KIAA0825: variants seen among roughly 807,000 people sequenced by gnomAD.
KIAA0825 encodes the protein KIAA0825, also known as uncharacterized protein KIAA0825.
In KIAA0825, 119 loss-of-function variants were observed where a neutral mutation model predicts 147.6. The observed-to-expected ratio is 0.81, with a 90% CI of 0.69 to 0.94. The LOEUF is 0.94. Among genes scored for constraint, KIAA0825 ranks in the 40% least tolerant of loss-of-function variants. The probability of loss-of-function intolerance (pLI) is 0.00; values close to 1 mark genes in which losing one functional copy is unlikely to be tolerated. For missense variants in KIAA0825, 1,381 were observed against 1,472.7 expected, an observed-to-expected ratio of 0.94 and a Z score of 1.02; for synonymous variants, 470 against 518.1, an observed-to-expected ratio of 0.91 and a Z score of 1.26.
At chr5:94,298,785 T>C (rs1778254357) in intron 20 of KIAA0825, among the ~76,000 whole-genome samples, 1 of 152,210 alleles carries the variant, frequency 6.6e-6, no homozygotes, top group African/African-American at 2.4e-5. Context: ...TTCCAAAAAG[T>C]AGCAGCAGTG....
At chr5:94,200,388 C>G (rs930505469) in intron 20 of KIAA0825, among the ~76,000 whole-genome samples, 1 of 152,162 alleles carries the variant, frequency 6.6e-6, no homozygotes, top group Non-Finnish European at 1.5e-5. Flanking sequence ...CATCCTTCCT[C>G]TATCCACTCT....
chr5:94,451,489 C>A (rs927213005), intron 13 of KIAA0825, among the ~76,000 whole-genome samples: 1 of 152,154 alleles, frequency 6.6e-6, no homozygotes, highest in Admixed American at 6.5e-5. Context: ...CATAAAATTT[C>A]ATTTCCACTA....
At chr5:94,594,822 A>G (rs183810814) in intron 1 of KIAA0825, 5 of 452,304 alleles carry the variant, frequency 1.1e-5, no homozygotes, top group South Asian at 1.9e-5. Context: ...GAGTGTTATC[A>G]TGTGTCACAT....
At chr5:94,341,706 C>A (rs1354174470) in intron 20 of KIAA0825, among the ~76,000 whole-genome samples, 3 of 151,834 alleles carry the variant, frequency 2.0e-5, no homozygotes, top group Non-Finnish European at 4.4e-5. Flanking sequence ...ATGAAAAGTA[C>A]ATGGATTGCT....
At chr5:94,362,357 A>T (rs1473065086) in intron 20 of KIAA0825, among the ~76,000 whole-genome samples, 1 of 152,214 alleles carries the variant, frequency 6.6e-6, no homozygotes, top group Non-Finnish European at 1.5e-5. Context: ...GGTAACATTC[A>T]TTCACTGTGC....
At chr5:94,233,686 G>C (rs1220496125) in intron 20 of KIAA0825, among the ~76,000 whole-genome samples, 2 of 152,198 alleles carry the variant, frequency 1.3e-5, no homozygotes, top group Non-Finnish European at 2.9e-5. Flanking sequence ...GGAATATGAG[G>C]ATTTCAACAA....
intron 1 of KIAA0825, among the ~76,000 whole-genome samples, chr5:94,605,347 C>G (rs1045619905): frequency 6.6e-6 from 1 of 152,164 alleles, no homozygotes; most frequent in Non-Finnish European, 1.5e-5. Flanking sequence ...CAAACAAGAG[C>G]TGGTATCACT....
chr5:94,225,049 T>G (rs1261772078), intron 20 of KIAA0825, among the ~76,000 whole-genome samples: 4 of 152,202 alleles, frequency 2.6e-5, no homozygotes, highest in Non-Finnish European at 5.9e-5. Context: ...TGTGCCTAAA[T>G]TTGTCTTAAG....
At chr5:94,603,488 C>T (rs538739325) in intron 1 of KIAA0825, among the ~76,000 whole-genome samples, 1 of 152,274 alleles carries the variant, frequency 6.6e-6, no homozygotes, top group South Asian at 2.1e-4. Flanking sequence ...CGTACACAGA[C>T]CAATGACACT....
At chr5:94,547,463 C>T (rs989965829) in intron 2 of KIAA0825, among the ~76,000 whole-genome samples, 5 of 152,052 alleles carry the variant, frequency 3.3e-5, no homozygotes, top group Admixed American at 6.5e-5. Flanking sequence ...TCCTGCTGGG[C>T]GCAGTAGCTC....
chr5:94,485,202 A>T (rs570475184), intron 5 of KIAA0825, among the ~76,000 whole-genome samples: 1 of 151,726 alleles, frequency 6.6e-6, no homozygotes, highest in Admixed American at 6.6e-5. Context: ...TTTCTTGTAA[A>T]ATCACATCTT....
chr5:94,364,563 T>C lies in KIAA0825; in HGVS notation c.3710+19805A>G, dbSNP rs575982643. ...CGCCCGGCTAATTTTTTTGTATTTT[T>C]AGTAGAGACGGGGTTTCACTGTGTT... On this transcript the variant is annotated intron_variant, in intron 20 of 20. Coordinates refer to ENST00000682413, the MANE Select transcript of KIAA0825 (RefSeq NM_001145678.3). Among the ~76,000 whole-genome samples, 5 of 152,086 alleles carry C rather than the reference T, an allele frequency of 3.3e-5. 1 individual carries two copies. The highest frequency in any genetic ancestry group is 7.2e-5 in the African/African-American group (3 of 41,502).
intron 20 of KIAA0825, among the ~76,000 whole-genome samples, chr5:94,273,305 TTTA>T (rs1485869583): frequency 6.6e-6 from 1 of 152,208 alleles, no homozygotes; most frequent in Non-Finnish European, 1.5e-5. Flanking sequence ...CGGAGAGGCA[TTTA>T]TTAATATTAG....
At chr5:94,506,835 G>A (rs1765791303) in intron 5 of KIAA0825, among the ~76,000 whole-genome samples, 1 of 152,092 alleles carries the variant, frequency 6.6e-6, no homozygotes, top group Admixed American at 6.5e-5. Flanking sequence ...TTCTAAGCCT[G>A]AAAACACGCC....
At chr5:94,567,402 A>C (rs1356761458) in intron 2 of KIAA0825, 1 of 152,206 alleles carries the variant, frequency 6.6e-6, no homozygotes, top group East Asian at 1.9e-4. Context: ...ACTTAAGTTG[A>C]TTTACAAAGT....
Position 94,396,085 on chromosome 5 carries a change from A to G in KIAA0825, c.3296+16T>C, listed in dbSNP as rs1313402148. 7.0e-6 allele frequency: 10 copies of G among 1,419,142 alleles called. No individual in the cohort carries two copies. In the East Asian group the frequency reaches 2.6e-4, roughly 37 times the overall value. The allele number at this position is 1,419,142 out of a possible 1,614,324, so 87.9% of individuals were successfully genotyped here. ...AGCATTTGATGAAATCCAATAAGAG[A>G]AAAACATCACTTTACCATTCAGTGC... On this transcript the variant is annotated intron_variant, in intron 17 of 20. Coordinates refer to ENST00000682413, the MANE Select transcript of KIAA0825 (RefSeq NM_001145678.3).
chr5:94,382,537 G>A (rs547232998), intron 20 of KIAA0825, among the ~76,000 whole-genome samples: 3 of 152,212 alleles, frequency 2.0e-5, no homozygotes, highest in East Asian at 1.9e-4. Flanking sequence ...GCTCGTGTGC[G>A]GTAGCTTTGC....
chr5:94,155,988 C>T (rs1165397708), intron 20 of KIAA0825, among the ~76,000 whole-genome samples: 4 of 152,054 alleles, frequency 2.6e-5, no homozygotes, highest in Non-Finnish European at 5.9e-5. Flanking sequence ...AATTGGGTAT[C>T]GCTAATATTC....
chr5:94,325,000 T>A (rs901042691), intron 20 of KIAA0825, among the ~76,000 whole-genome samples: 1 of 151,986 alleles, frequency 6.6e-6, no homozygotes, highest in South Asian at 2.1e-4. Flanking sequence ...ACATCCCAAA[T>A]AATTTCATAA....
Sources: allele counts gnomAD v4.1 joint callset (sites outside exome capture counted in the v4.1 genomes callset), GRCh38; gene constraint gnomAD v4.1.1; transcripts MANE v1.5; gene names NCBI Gene and HGNC (gene_info 2026-07-23, HGNC 2026-07-21).